Variants in ANLN observed in about 807,000 individuals in gnomAD.
ANLN encodes anillin.
In ANLN, 59 loss-of-function variants were observed where a neutral mutation model predicts 135.1. The observed-to-expected ratio is 0.44, with a 90% CI of 0.35 to 0.54. The LOEUF (loss-of-function observed/expected upper bound fraction) is 0.54. ANLN is among the 20% of genes least tolerant of loss of function. The probability of loss-of-function intolerance (pLI) is 0.00; values close to 1 mark genes in which losing one functional copy is unlikely to be tolerated. For missense variants in ANLN, 1,182 were observed against 1,340.0 expected, an observed-to-expected ratio of 0.88 and a Z score of 1.84; for synonymous variants, 406 against 456.4, an observed-to-expected ratio of 0.89 and a Z score of 1.41.
chr7:36,449,155 C>T (rs1789136990), intron 22 of ANLN: 1 of 152,288 alleles, frequency 6.6e-6, no homozygotes. Context: ...CATTTGGTCT[C>T]GTGAATGTTT....
chr7:36,426,767 C>T (rs1048881365), intron 19 of ANLN, 149 bp from the exon 20 acceptor site: 237 of 464,802 alleles, frequency 5.1e-4, no homozygotes, highest in Middle Eastern at 4.4e-4. Flanking sequence ...GTTGATTTTT[C>T]CCCCCACATT....
chr7:36,429,720 T>C (rs1156991711), intron 20 of ANLN, among the ~76,000 whole-genome samples: 1 of 152,224 alleles, frequency 6.6e-6, no homozygotes, highest in Non-Finnish European at 1.5e-5. Context: ...AGTTTCTACA[T>C]ATGTAAGAGA....
At position 36,420,699 on chromosome 7, in the gene ANLN, A is replaced by C; in HGVS notation, c.2118A>C (p.Lys706Asn). Residue 706 changes from lysine (K) to asparagine (N), a missense_variant, in exon 12 of 24, where the codon AAA becomes AAC. This residue lies in a region of ANLN where 1,022 missense variants were observed against 1,134.0 expected (regional missense o/e 0.90). Coordinates refer to ENST00000265748, the MANE Select transcript of ANLN (RefSeq NM_018685.5). ...ATGTTACTTCAAAACTGGATGAAAA[A>C]AATAATGCCTTTCCTTGTCAAGTTA... ...KEDVTSKLDE[K>N]NNAFPCQVNI... 1 of 1,614,070 alleles carries C rather than the reference A, an allele frequency of 6.2e-7. No homozygotes were observed. Among genetic ancestry groups the C allele is most frequent in the Non-Finnish European group, 8.5e-7 (1 of 1,179,970 alleles).
At chr7:36,427,368 T>C (rs1040241117) in intron 20 of ANLN, among the ~76,000 whole-genome samples, 7 of 149,616 alleles carry the variant, frequency 4.7e-5, no homozygotes, top group African/African-American at 1.7e-4. Context: ...TGTGGTTTTT[T>C]TTGTTTTTTT....
chr7:36,424,438 T>C, intron 15 of ANLN, 107 bp from the exon 16 acceptor site: 1 of 869,706 alleles, frequency 1.1e-6, no homozygotes. Flanking sequence ...TTTAAAGTCA[T>C]AGTGGATTCC....
At chr7:36,409,385 C>T (rs1787318676) in intron 5 of ANLN, among the ~76,000 whole-genome samples, 1 of 151,992 alleles carries the variant, frequency 6.6e-6, no homozygotes, top group South Asian at 2.1e-4. Flanking sequence ...TTTATTGGAG[C>T]ACAGCCACAC....
intron 20 of ANLN, among the ~76,000 whole-genome samples, chr7:36,434,565 T>TA (rs769861256): frequency 5.9e-5 from 9 of 152,298 alleles, no homozygotes; most frequent in Admixed American, 3.3e-4. Context: ...TCCTTTTCTT[T>TA]AAAAATACTT....
intron 5 of ANLN, among the ~76,000 whole-genome samples, 188 bp from the exon 6 acceptor site, chr7:36,410,326 G>A (rs2116598506): frequency 6.6e-6 from 1 of 151,650 alleles, no homozygotes; most frequent in South Asian, 2.1e-4. Flanking sequence ...AGGTTTTAGG[G>A]CATGTACTTA....
At chr7:36,415,642 C>A in intron 7 of ANLN, 116 bp from the exon 8 acceptor site, 1 of 1,186,302 alleles carries the variant, frequency 8.4e-7, no homozygotes, top group Non-Finnish European at 1.1e-6. Flanking sequence ...CTCTTTGGTT[C>A]TAAGGAAACT....
intron 20 of ANLN, among the ~76,000 whole-genome samples, chr7:36,429,892 TTAAA>T (rs2116714147): frequency 6.6e-6 from 1 of 152,350 alleles, no homozygotes; most frequent in East Asian, 1.9e-4. Flanking sequence ...AATTTATAAC[TTAAA>T]TAGCCAACCA....
chr7:36,402,154 C>T (rs2116544466), intron 3 of ANLN, among the ~76,000 whole-genome samples: 1 of 109,056 alleles, frequency 9.2e-6, no homozygotes, highest in East Asian at 2.3e-4. Context: ...CTGTGTTTCC[C>T]AGGCTGGAGT....
intron 6 of ANLN, among the ~76,000 whole-genome samples, 157 bp from the exon 7 acceptor site, chr7:36,410,902 T>C (rs949433479): frequency 3.3e-5 from 5 of 150,612 alleles, no homozygotes; most frequent in African/African-American, 1.0e-4. Flanking sequence ...ATTAGAAATA[T>C]TGTCCTGAAT....
chr7:36,432,351 A>C (rs893753103), intron 20 of ANLN, among the ~76,000 whole-genome samples: 5 of 152,168 alleles, frequency 3.3e-5, no homozygotes, highest in African/African-American at 9.7e-5. Context: ...CTTCTGTTGT[A>C]TCTTGACATT....
At position 36,427,609 on chromosome 7, in the gene ANLN, C is replaced by T. The variant is rs188829634; in HGVS notation, c.2883+581C>T. Among the ~76,000 whole-genome samples, 693 of 152,284 alleles carry T rather than the reference C, an allele frequency of 4.6e-3. 3 individuals carry two copies. Among genetic ancestry groups the T allele is most frequent in the Non-Finnish European group, 6.4e-3 (432 of 68,016 alleles). On this transcript the variant is annotated intron_variant, in intron 20 of 23. Coordinates refer to ENST00000265748, the MANE Select transcript of ANLN (RefSeq NM_018685.5). Reference sequence around the variant, plus strand: ...GCTCTGGCCATCTGTCTGCCTTGGCCTCCCAAAGTGCTGGGATTATAGGTG... The same window carrying T: ...GCTCTGGCCATCTGTCTGCCTTGGCTTCCCAAAGTGCTGGGATTATAGGTG...
intron 5 of ANLN, among the ~76,000 whole-genome samples, chr7:36,408,643 C>T (rs1787288582): frequency 6.6e-6 from 1 of 152,052 alleles, no homozygotes; most frequent in African/African-American, 2.4e-5. Context: ...CTATAGTCAC[C>T]CTACTGATCT....
intron 1 of ANLN, among the ~76,000 whole-genome samples, chr7:36,393,019 T>C (rs1158215338): frequency 6.6e-6 from 1 of 150,596 alleles, no homozygotes; most frequent in Non-Finnish European, 1.5e-5. Flanking sequence ...CATTATTTCT[T>C]TTTTCTTTTT....
In ANLN at chr7:36,389,886, G is replaced by C; in HGVS notation, c.-141G>C. The C allele has an allele frequency of 1.4e-6, 2 of 1,472,998 alleles. No homozygotes were observed. The highest frequency in any genetic ancestry group is 4.6e-5 in the East Asian group (2 of 43,616). 91.2% of individuals were successfully genotyped at this position (1,472,998 alleles called of 1,614,324 possible). The stretch of plus-strand genomic sequence containing the variant: ...CGAGTCCGTCACTGGAAGCCGAGAG[G>C]AGAGGACAGCTGGTTGTGGGAGAGT... On this transcript the variant is annotated 5_prime_UTR_variant, in exon 1 of 24. Coordinates refer to ENST00000265748, the MANE Select transcript of ANLN (RefSeq NM_018685.5).
intron 11 of ANLN, 135 bp from the exon 12 acceptor site, chr7:36,420,462 T>G: frequency 8.0e-7 from 1 of 1,251,646 alleles, no homozygotes; most frequent in Non-Finnish European, 1.1e-6. Context: ...TTTCACCAAA[T>G]GAGAGTTCCA....
At chr7:36,429,344 C>T (rs1390714517) in intron 20 of ANLN, among the ~76,000 whole-genome samples, 1 of 152,104 alleles carries the variant, frequency 6.6e-6, no homozygotes, top group Non-Finnish European at 1.5e-5. Context: ...CCTCAGCCTC[C>T]TGAGTAGCTG....
Sources: gnomAD v4.1 joint callset for allele counts (sites outside exome capture counted in the v4.1 genomes callset) on GRCh38, gnomAD v4.1.1 for gene constraint, gnomAD v4.1.1 regional missense constraint, MANE v1.5 for transcripts, NCBI Gene and HGNC (gene_info 2026-07-23, HGNC 2026-07-21) for gene names.